Variants in ASPA observed in about 807,000 individuals in gnomAD.
The protein encoded by ASPA is aspartoacylase.
In ASPA, 25 loss-of-function variants were observed where a neutral mutation model predicts 29.6. That is an observed-to-expected ratio of 0.85 (90% CI 0.62 to 1.18). The LOEUF (loss-of-function observed/expected upper bound fraction) is 1.18, where lower values mean the gene tolerates loss of function less well. ASPA is among the 50% of genes most tolerant of loss of function. The pLI, the probability that ASPA is intolerant of heterozygous loss-of-function variation, is 0.00. For missense variants in ASPA, 333 were observed against 385.7 expected, an observed-to-expected ratio of 0.86 and a Z score of 1.14; for synonymous variants, 131 against 130.3, an observed-to-expected ratio of 1.01 and a Z score of -0.04.
chr17:3,483,697 C>T, intron 3 of ASPA, 105 bp downstream of exon 3: 1 of 1,145,298 alleles, frequency 8.7e-7, no homozygotes, highest in Non-Finnish European at 1.3e-6. Flanking sequence ...GAGTCTTGCT[C>T]TGTCACCCAG....
upstream of ASPA, chr17:3,475,582 C>A (rs3829957): frequency 6.5e-6 from 1 of 153,228 alleles, no homozygotes; most frequent in African/African-American, 2.4e-5. Flanking sequence ...GAATGGGCGC[C>A]GGTTCAAGAG....
In ASPA at chr17:3,491,516, G is replaced by A. The variant is rs113446805; in HGVS notation, c.634+2174G>A. On this transcript the variant is annotated intron_variant, in intron 4 of 5. Coordinates refer to ENST00000263080, the MANE Select transcript of ASPA (RefSeq NM_000049.4). Reference sequence around the variant, plus strand: ...AATCCTTGCACTTTGGGAGGCTGAGGCAGGCAGATCACTTGAGGTCAGGAG... The same window carrying A: ...AATCCTTGCACTTTGGGAGGCTGAGACAGGCAGATCACTTGAGGTCAGGAG... Among the ~76,000 whole-genome samples the A allele has an allele frequency of 3.2e-3, 493 of 152,270 alleles. 4 individuals are homozygous for A. Among genetic ancestry groups the A allele is most frequent in the African/African-American group, 0.011 (465 of 41,568 alleles).
chr17:3,480,572 G>T (rs979731650), intron 1 of ASPA, among the ~76,000 whole-genome samples: 1 of 152,182 alleles, frequency 6.6e-6, no homozygotes, highest in African/African-American at 2.4e-5. Context: ...CCTGATCTTA[G>T]GTTTTACAAT....
At chr17:3,478,048 G>T (rs549728633) in intron 1 of ASPA, among the ~76,000 whole-genome samples, 5 of 152,074 alleles carry the variant, frequency 3.3e-5, no homozygotes, top group Non-Finnish European at 7.4e-5. Context: ...AGCCGGGCAT[G>T]GTGGCGGGCA....
rs2073814191 is a variant in ASPA at position 3,490,949 on chromosome 17, C to G, written c.634+1607C>G. On this transcript the variant is annotated intron_variant, in intron 4 of 5. Transcript: ENST00000263080. This position sits in a 1 kb window ranked among gnomAD's most constrained non-coding sequence, Gnocchi z 4.6. ...ATTCGGCAAATCAAAAATTGTCAACCACGATTAATTTAGACTATCCAGCTT... is the reference window on the plus strand; with the variant it reads ...ATTCGGCAAATCAAAAATTGTCAACGACGATTAATTTAGACTATCCAGCTT... 1.3e-5 allele frequency among the ~76,000 whole-genome samples: 2 copies of G among 152,102 alleles called. No individual in the cohort carries two copies. The highest frequency in any genetic ancestry group is 4.1e-4 in the South Asian group (2 of 4,828).
intron 1 of ASPA, among the ~76,000 whole-genome samples, chr17:3,477,148 C>A (rs370967225): frequency 1.3e-5 from 2 of 152,032 alleles, no homozygotes; most frequent in South Asian, 4.2e-4. Context: ...GAGCAAGACT[C>A]CGTCTCAAAA....
intron 1 of ASPA, among the ~76,000 whole-genome samples, chr17:3,477,158 A>AAAAT (rs1159232162): frequency 2.0e-5 from 3 of 152,134 alleles, no homozygotes; most frequent in African/African-American, 4.8e-5. Flanking sequence ...CCGTCTCAAA[A>AAAAT]AAATAAATAA....
rs1567621900 is a variant in ASPA, at chr17:3,502,147, G to T, written c.*3059G>T. ...CCCTGATCAGGCAGCCATCATCAAGGCAAGGCCCTCCACCAGCAAAAAGAT... is the reference window on the plus strand; with the variant it reads ...CCCTGATCAGGCAGCCATCATCAAGTCAAGGCCCTCCACCAGCAAAAAGAT... On this transcript the variant is annotated 3_prime_UTR_variant, in exon 6 of 6. Transcript: ENST00000263080. 6.6e-6 allele frequency: 1 copy of T among 152,170 alleles called. No individual in the cohort carries two copies. The highest frequency in any genetic ancestry group is 1.5e-5 in the Non-Finnish European group (1 of 68,032). 9.4% of individuals were successfully genotyped at this position (152,170 alleles called of 1,614,324 possible).
At chr17:3,489,087 T>C in intron 3 of ASPA, 148 bp from the exon 4 acceptor site, 2 of 572,350 alleles carry the variant, frequency 3.5e-6, no homozygotes, top group East Asian at 3.0e-5. Flanking sequence ...CCAAACATTA[T>C]GTCTCAAATA....
intron 3 of ASPA, among the ~76,000 whole-genome samples, chr17:3,486,018 C>T (rs1217344201): frequency 9.2e-5 from 14 of 151,558 alleles, no homozygotes; most frequent in Admixed American, 3.9e-4. Context: ...CTGCAACCTC[C>T]GCCTCCTGGG....
rs1301321116 is a variant in ASPA at position 3,489,273 on chromosome 17, G to T, written c.565G>T (p.Ala189Ser). 3 of 1,613,078 alleles carry T rather than the reference G, an allele frequency of 1.9e-6. No individual in the cohort carries two copies. The African/African-American group carries it at 4.0e-5, about 22-fold the overall frequency. The change falls in exon 4 of 6, where the codon GCT becomes TCT. Residue 189 changes from alanine to serine, a missense_variant. Ala to Ser is a moderately conservative substitution (Grantham distance 99). Transcript: ENST00000263080. The part of the protein sequence containing the change: ...VGPQPQGVLR[A>S]DILDQMRKMI... Reference sequence around the variant, plus strand: ...TCCTCAGCCTCAAGGGGTTCTGAGAGCTGATATCTTGGATCAAATGAGAAA... The same window carrying T: ...TCCTCAGCCTCAAGGGGTTCTGAGATCTGATATCTTGGATCAAATGAGAAA...
At chr17:3,476,940 G>A (rs2073533495) in intron 1 of ASPA, among the ~76,000 whole-genome samples, 1 of 152,168 alleles carries the variant, frequency 6.6e-6, no homozygotes, top group Admixed American at 6.5e-5. Flanking sequence ...CGGATCACGA[G>A]GTCAGGAGAT....
intron 2 of ASPA, among the ~76,000 whole-genome samples, chr17:3,483,008 A>T (rs1208438024): frequency 7.0e-6 from 1 of 143,068 alleles, no homozygotes; most frequent in Non-Finnish European, 1.5e-5. Context: ...CAGATATGGA[A>T]GCAGAATTGC....
At position 3,490,479 on chromosome 17, in the gene ASPA, T is replaced by C. The variant is rs2073805846; in HGVS notation, c.634+1137T>C. On this transcript the variant is annotated intron_variant, in intron 4 of 5. Transcript: ENST00000263080. The surrounding 1 kb of genome is among the most constrained non-coding windows in gnomAD (Gnocchi z 4.6). ...GTTGTTGAGGAATGGGCAATTATAA[T>C]AACAGAGGGGGTGTGTACTTCGGTG... Among the ~76,000 whole-genome samples the C allele has an allele frequency of 6.6e-6, 1 of 152,200 alleles. No homozygotes were observed. Among genetic ancestry groups the C allele is most frequent in the South Asian group, 2.1e-4 (1 of 4,830 alleles).
intron 1 of ASPA, among the ~76,000 whole-genome samples, chr17:3,477,330 C>T (rs990490260): frequency 6.6e-6 from 1 of 152,190 alleles, no homozygotes. Context: ...ATATTGCATA[C>T]AACGTAAGCA....
In ASPA at chr17:3,502,542, C is replaced by T. The variant is rs1419004529; in HGVS notation, c.*3454C>T. The T allele has an allele frequency of 6.6e-6, 1 of 152,138 alleles. No homozygotes were observed. The highest frequency in any genetic ancestry group is 1.9e-4 in the East Asian group (1 of 5,198). 9.4% of individuals were successfully genotyped at this position (152,138 alleles called of 1,614,324 possible). A position where few individuals can be genotyped will look rare whatever the true frequency, so the allele number is the denominator to read the frequency against. ...CATTCGTTGCGAAATCCAGAGGAGA[C>T]TTTTAAGTGCTGTTTTGTAGATGAA... is the stretch of plus-strand genomic sequence containing the variant. On this transcript the variant is annotated 3_prime_UTR_variant, in exon 6 of 6. Transcript: ENST00000263080.
At chr17:3,493,708 G>C (rs1017285521) in intron 4 of ASPA, among the ~76,000 whole-genome samples, 1 of 151,872 alleles carries the variant, frequency 6.6e-6, no homozygotes, top group African/African-American at 2.4e-5. Context: ...ACCTTCATTT[G>C]ACAGGTCAAG....
rs190786411 is a variant in ASPA, at chr17:3,488,394, C to G, written c.527-841C>G. Among the ~76,000 whole-genome samples, 11 of 152,266 alleles carry G rather than the reference C, an allele frequency of 7.2e-5. No individual in the cohort carries two copies. The East Asian group carries it at 2.1e-3, about 29-fold the overall frequency. ...AAACCAGGCCAAGCACGACGGCTCA[C>G]GCCTGTAATCCCAGCATTTGGGGAA... On this transcript the variant is annotated intron_variant, in intron 3 of 5. Coordinates refer to ENST00000263080, the MANE Select transcript of ASPA (RefSeq NM_000049.4). This position sits in a 1 kb window ranked among gnomAD's most constrained non-coding sequence, Gnocchi z 6.1.
upstream of ASPA, among the ~76,000 whole-genome samples, chr17:3,475,137 A>G (rs547180646): frequency 6.6e-6 from 1 of 152,344 alleles, no homozygotes; most frequent in Non-Finnish European, 1.5e-5. Flanking sequence ...GTACTTGAAC[A>G]TATGTGACTT....
Sources: allele counts gnomAD v4.1 joint callset (sites outside exome capture counted in the v4.1 genomes callset), GRCh38; gene constraint gnomAD v4.1.1; non-coding constraint Gnocchi (gnomAD v3.1); transcripts MANE v1.5; gene names NCBI Gene and HGNC (gene_info 2026-07-23, HGNC 2026-07-21).